Variants in CNPY1 observed in about 807,000 individuals in gnomAD.
CNPY1 encodes the protein protein canopy homolog 1.
A neutral mutation model predicts 14.4 loss-of-function variants in CNPY1; 14 were observed. The observed-to-expected ratio is 0.97, with a 90% CI of 0.64 to 1.52. The LOEUF (loss-of-function observed/expected upper bound fraction) is 1.52. Among genes scored for constraint, CNPY1 ranks in the 40% most tolerant of loss-of-function variants. The pLI, the probability that CNPY1 is intolerant of heterozygous loss-of-function variation, is 0.00. For synonymous variants in CNPY1, 43 were observed against 46.5 expected, an observed-to-expected ratio of 0.92 and a Z score of 0.31; for missense variants, 129 against 131.5, an observed-to-expected ratio of 0.98 and a Z score of 0.09.
chr7:155,525,360 A>T (rs374541465), intron 2 of CNPY1, among the ~76,000 whole-genome samples: 11 of 151,878 alleles, frequency 7.2e-5, no homozygotes, highest in African/African-American at 2.7e-4. Context: ...TTGTATTTTA[A>T]GTTTCTCCAT....
At chr7:155,531,479 T>G (rs1308140526) in intron 2 of CNPY1, among the ~76,000 whole-genome samples, 2 of 152,172 alleles carry the variant, frequency 1.3e-5, no homozygotes, top group African/African-American at 2.4e-5. Context: ...GATGGCGCAG[T>G]CTGGTGTTGG....
At chr7:155,540,208 TGGA>T (rs1360098182) in intron 2 of CNPY1, among the ~76,000 whole-genome samples, 4 of 152,182 alleles carry the variant, frequency 2.6e-5, no homozygotes, top group Non-Finnish European at 5.9e-5. Context: ...ACTTGGGGGC[TGGA>T]GGAGGAAACA....
intron 2 of CNPY1, among the ~76,000 whole-genome samples, chr7:155,516,837 G>A (rs915660724): frequency 2.0e-5 from 3 of 152,100 alleles, no homozygotes; most frequent in African/African-American, 7.2e-5. Flanking sequence ...GTGACTCCTC[G>A]GCCTCCTAGA....
chr7:155,537,308 T>C (rs1478350814), intron 2 of CNPY1, among the ~76,000 whole-genome samples: 6 of 151,646 alleles, frequency 4.0e-5, no homozygotes, highest in African/African-American at 9.7e-5. Context: ...GGAGCAAAAA[T>C]AGAGGATTGC....
At chr7:155,517,420 G>A (rs1428446597) in intron 2 of CNPY1, among the ~76,000 whole-genome samples, 3 of 152,164 alleles carry the variant, frequency 2.0e-5, no homozygotes, top group Non-Finnish European at 4.4e-5. Context: ...CCTGTCTGTG[G>A]GACTTGTTAT....
rs1667041495 is a variant in CNPY1 at position 155,502,010 on chromosome 7, G to GC, written c.*1057_*1058insG. The stretch of plus-strand genomic sequence containing the variant: ...GTTTTGGGTCGGGGGGGTTGGGGGG[G>GC]GGATTTGTAGCATCCTACCCACTTG... On this transcript the variant is annotated 3_prime_UTR_variant, in exon 5 of 5. Transcript: ENST00000636446. 2 of 147,618 alleles carry GC rather than the reference G, an allele frequency of 1.4e-5. No homozygotes were observed. The highest frequency in any genetic ancestry group is 2.1e-4 in the East Asian group (1 of 4,846). The allele number at this position is 147,618 out of a possible 1,614,324, so 9.1% of individuals were successfully genotyped here. A position where few individuals can be genotyped will look rare whatever the true frequency, so the allele number is the denominator to read the frequency against.
At chr7:155,528,222 T>C (rs1475902635) in intron 2 of CNPY1, among the ~76,000 whole-genome samples, 1 of 152,212 alleles carries the variant, frequency 6.6e-6, no homozygotes, top group African/African-American at 2.4e-5. Context: ...GGCAGGAGAA[T>C]AAGACCCCTT....
rs537737042 is a variant in CNPY1, at chr7:155,533,402, G to A, written c.99+12429C>T. Reference sequence around the variant, plus strand: ...CATTCCCGGTGGCTCTCCACGCAAAGTTAACGTTTGTTTACTCTAAGCATA... The same window carrying A: ...CATTCCCGGTGGCTCTCCACGCAAAATTAACGTTTGTTTACTCTAAGCATA... On this transcript the variant is annotated intron_variant, in intron 2 of 4. Coordinates refer to ENST00000636446, the MANE Select transcript of CNPY1 (RefSeq NM_001393663.1). Among the ~76,000 whole-genome samples, 21 of 152,354 alleles carry A rather than the reference G, an allele frequency of 1.4e-4. No individual in the cohort carries two copies. The East Asian group carries it at 3.7e-3, about 27-fold the overall frequency.
chr7:155,538,225 G>A (rs547725375), intron 2 of CNPY1, among the ~76,000 whole-genome samples: 1 of 152,324 alleles, frequency 6.6e-6, no homozygotes, highest in South Asian at 2.1e-4. Context: ...AACAGCCCTT[G>A]CAAAACAATT....
intron 2 of CNPY1, among the ~76,000 whole-genome samples, chr7:155,512,526 A>G (rs1796549145): frequency 6.6e-6 from 1 of 152,180 alleles, no homozygotes; most frequent in African/African-American, 2.4e-5. Flanking sequence ...AGTACTTGAA[A>G]GTTCTGGCTT....
intron 2 of CNPY1, among the ~76,000 whole-genome samples, chr7:155,521,745 C>CT (rs1411762650): frequency 6.6e-6 from 1 of 152,264 alleles, no homozygotes; most frequent in African/African-American, 2.4e-5. Flanking sequence ...TGGGACACAG[C>CT]TGCGCCCACA....
At chr7:155,539,895 T>C (rs559575231) in intron 2 of CNPY1, among the ~76,000 whole-genome samples, 97 of 152,292 alleles carry the variant, frequency 6.4e-4, no homozygotes, top group African/African-American at 2.2e-3. Context: ...TGTCAACGAT[T>C]CTCTTAGGAA....
chr7:155,532,058 T>C (rs1450724096), intron 2 of CNPY1, among the ~76,000 whole-genome samples: 1 of 152,278 alleles, frequency 6.6e-6, no homozygotes, highest in Non-Finnish European at 1.5e-5. Flanking sequence ...CGTCAGCATC[T>C]GCTCAAACTA....
At chr7:155,525,024 G>A (rs1796794346) in intron 2 of CNPY1, among the ~76,000 whole-genome samples, 1 of 152,044 alleles carries the variant, frequency 6.6e-6, no homozygotes, top group Non-Finnish European at 1.5e-5. Context: ...ATCAGCACCT[G>A]GTGAACTACC....
chr7:155,510,025 T>C (rs1260602101), intron 2 of CNPY1, among the ~76,000 whole-genome samples: 2 of 152,098 alleles, frequency 1.3e-5, no homozygotes, highest in Non-Finnish European at 2.9e-5. Flanking sequence ...TTTGCGGGCT[T>C]TTTCCCTCTC....
intron 2 of CNPY1, among the ~76,000 whole-genome samples, chr7:155,527,517 T>C (rs1317100512): frequency 1.4e-5 from 2 of 138,420 alleles, no homozygotes; most frequent in African/African-American, 5.4e-5. Context: ...ACACAGCTCA[T>C]TGCAGCCTCG....
intron 2 of CNPY1, among the ~76,000 whole-genome samples, chr7:155,525,338 G>A (rs897578474): frequency 4.6e-5 from 7 of 152,100 alleles, no homozygotes; most frequent in East Asian, 1.9e-4. Context: ...GCGCCATCAC[G>A]GCCGGTTAAT....
At chr7:155,528,449 T>C (rs1309532172) in intron 2 of CNPY1, among the ~76,000 whole-genome samples, 2 of 152,156 alleles carry the variant, frequency 1.3e-5, no homozygotes, top group African/African-American at 4.8e-5. Flanking sequence ...AGCTACGCCG[T>C]GGGGGGATCA....
At chr7:155,523,787 G>T (rs1796769818) in intron 2 of CNPY1, among the ~76,000 whole-genome samples, 1 of 152,188 alleles carries the variant, frequency 6.6e-6, no homozygotes, top group Non-Finnish European at 1.5e-5. Flanking sequence ...TTCAGAAAAA[G>T]GGTCTTTGCA....
Sources: allele counts gnomAD v4.1 joint callset (sites outside exome capture counted in the v4.1 genomes callset), GRCh38; gene constraint gnomAD v4.1.1; transcripts MANE v1.5; gene names NCBI Gene and HGNC (gene_info 2026-07-23, HGNC 2026-07-21).